Variants in COL19A1 observed in about 807,000 individuals in gnomAD.
COL19A1 encodes the protein collagen type XIX alpha 1 chain.
COL19A1 carries 159 observed loss-of-function variants against 190.2 expected under a neutral mutation model. That is an observed-to-expected ratio of 0.84 (90% CI 0.73 to 0.95). COL19A1 has a LOEUF of 0.95. Ranked by LOEUF, COL19A1 falls within the 40% of genes least tolerant of loss-of-function variation. COL19A1 has a pLI of 0.00. For synonymous variants in COL19A1, 509 were observed against 458.9 expected (o/e 1.11, Z -1.39); for missense variants, 1,418 against 1,431.9 (o/e 0.99, Z 0.16).
intron 11 of COL19A1, among the ~76,000 whole-genome samples, chr6:70,016,242 G>T (rs1366309030): frequency 2.5e-5 from 1 of 39,302 alleles, no homozygotes; most frequent in Non-Finnish European, 4.1e-5. Context: ...GGGAGGGATA[G>T]CATTGGGAGA....
At chr6:70,136,129 C>T (rs758445040) in intron 18 of COL19A1, among the ~76,000 whole-genome samples, 2 of 152,118 alleles carry the variant, frequency 1.3e-5, no homozygotes, top group Admixed American at 6.6e-5. Context: ...TTAAACAAAA[C>T]GTATTCCATA....
At chr6:70,039,152 C>G (rs1779505873) in intron 14 of COL19A1, among the ~76,000 whole-genome samples, 1 of 152,116 alleles carries the variant, frequency 6.6e-6, no homozygotes, top group Admixed American at 6.5e-5. Context: ...GTACCACATA[C>G]CAATAAAGCC....
intron 14 of COL19A1, among the ~76,000 whole-genome samples, chr6:70,047,194 A>AT (rs1369512844): frequency 6.6e-6 from 1 of 152,094 alleles, no homozygotes; most frequent in Non-Finnish European, 1.5e-5. Flanking sequence ...CAGAATCAGC[A>AT]TTTTTTAAGA....
At chr6:70,036,609 A>G (rs948281765) in intron 14 of COL19A1, among the ~76,000 whole-genome samples, 1 of 152,148 alleles carries the variant, frequency 6.6e-6, no homozygotes, top group Non-Finnish European at 1.5e-5. Context: ...GTGATTAAAG[A>G]TTCTTATTTA....
chr6:70,197,340 G>A (rs1459479499), intron 48 of COL19A1, among the ~76,000 whole-genome samples: 2 of 151,826 alleles, frequency 1.3e-5, no homozygotes, highest in Admixed American at 6.6e-5. Context: ...GGAGAATGGC[G>A]TGAACCCGGG....
intron 11 of COL19A1, among the ~76,000 whole-genome samples, chr6:69,971,109 G>A (rs1368826029): frequency 6.6e-6 from 1 of 152,052 alleles, no homozygotes; most frequent in East Asian, 1.9e-4. Context: ...CTTGCTAGTA[G>A]TTATAGAAAA....
At chr6:69,910,306 A>T (rs1356660477) in intron 4 of COL19A1, among the ~76,000 whole-genome samples, 1 of 152,180 alleles carries the variant, frequency 6.6e-6, no homozygotes, top group Non-Finnish European at 1.5e-5. Flanking sequence ...TTCTTGTATC[A>T]ATGGTACCAC....
chr6:70,155,920 C>T lies in COL19A1; in HGVS notation c.2080-207C>T, dbSNP rs568120989. Among the ~76,000 whole-genome samples, 7 of 152,234 alleles carry T rather than the reference C, an allele frequency of 4.6e-5. No homozygotes were observed. The South Asian group carries it at 1.4e-3, about 32-fold the overall frequency. ...AATAAAAGTTCATCAATATCATAAA[C>T]AGATATCACTGATGAGCTTTGTAAA... On this transcript the variant is annotated intron_variant, in intron 31 of 50. Coordinates refer to ENST00000620364, the MANE Select transcript of COL19A1 (RefSeq NM_001858.6).
chr6:69,931,774 T>A (rs140395942), intron 6 of COL19A1, among the ~76,000 whole-genome samples: 15 of 152,250 alleles, frequency 9.9e-5, no homozygotes, highest in African/African-American at 3.4e-4. Context: ...ATCTGTAAGA[T>A]GTCTGGAGTT....
intron 15 of COL19A1, among the ~76,000 whole-genome samples, chr6:70,075,980 G>A (rs1248406907): frequency 6.6e-6 from 1 of 152,186 alleles, no homozygotes; most frequent in East Asian, 1.9e-4. Context: ...ATAGGACCCT[G>A]AGTCTGAATG....
At chr6:69,924,348 C>T (rs1562002362) in intron 4 of COL19A1, among the ~76,000 whole-genome samples, 1 of 151,486 alleles carries the variant, frequency 6.6e-6, no homozygotes, top group African/African-American at 2.4e-5. Flanking sequence ...TGAGAATATG[C>T]AGTGTTTGGT....
At chr6:70,116,015 T>A (rs3828771) in intron 16 of COL19A1, among the ~76,000 whole-genome samples, 134,566 of 151,956 alleles carry the variant, frequency 0.89, 60,334 homozygotes, top group African/African-American at 0.97. Context: ...AGGATGTGTG[T>A]CTTTTTTAAA....
intron 7 of COL19A1, among the ~76,000 whole-genome samples, chr6:69,935,722 T>A (rs988879910): frequency 2.6e-5 from 4 of 152,000 alleles, no homozygotes; most frequent in African/African-American, 9.7e-5. Flanking sequence ...TTTTTATTTC[T>A]TATTTCCAAC....
chr6:69,970,608 A>G (rs1775374367), intron 11 of COL19A1, among the ~76,000 whole-genome samples: 1 of 152,208 alleles, frequency 6.6e-6, no homozygotes, highest in Non-Finnish European at 1.5e-5. Flanking sequence ...TATGTTAAAT[A>G]CTGCTATTAT....
chr6:70,166,013 A>C (rs1765129835), intron 37 of COL19A1, 28 bp downstream of exon 37: 4 of 1,603,408 alleles, frequency 2.5e-6, no homozygotes, highest in Non-Finnish European at 3.4e-6. Context: ...TAAAATTTAA[A>C]ATTCATGTGT....
chr6:70,144,872 C>T (rs1386468194), intron 24 of COL19A1, 46 bp from the exon 25 acceptor site: 1 of 1,249,410 alleles, frequency 8.0e-7, no homozygotes, highest in Admixed American at 2.0e-5. Context: ...CACTTCCCAC[C>T]ATGAACCTGA....
At chr6:69,977,806 CTTAA>C (rs1775805434) in intron 11 of COL19A1, among the ~76,000 whole-genome samples, 2 of 151,970 alleles carry the variant, frequency 1.3e-5, no homozygotes. Flanking sequence ...TTATTTTGTC[CTTAA>C]TTAAGAAAGA....
intron 4 of COL19A1, 63 bp downstream of exon 4, chr6:69,900,401 T>G (rs1483141537): frequency 2.3e-6 from 2 of 885,730 alleles, no homozygotes; most frequent in Non-Finnish European, 3.3e-6. Flanking sequence ...CTAAAGAGAT[T>G]TCAAATAATT....
At chr6:69,894,418 C>T (rs1769575911) in intron 2 of COL19A1, among the ~76,000 whole-genome samples, 2 of 152,138 alleles carry the variant, frequency 1.3e-5, no homozygotes, top group African/African-American at 2.4e-5. Flanking sequence ...ACTTAGCAAA[C>T]CTTGCATCTG....
Sources: allele counts gnomAD v4.1 joint callset (sites outside exome capture counted in the v4.1 genomes callset), GRCh38; gene constraint gnomAD v4.1.1; transcripts MANE v1.5; gene names NCBI Gene and HGNC (gene_info 2026-07-23, HGNC 2026-07-21).